GPC6: variants seen among roughly 807,000 people sequenced by gnomAD.
GPC6 encodes glypican-6.
Under a neutral mutation model 55.2 loss-of-function variants are expected in GPC6, and 14 were observed. The observed-to-expected ratio is 0.25, with a 90% confidence interval of 0.17 to 0.40. The LOEUF (loss-of-function observed/expected upper bound fraction) is 0.40, where lower values mean the gene tolerates loss of function less well. GPC6 is among the 10% of genes least tolerant of loss of function. GPC6 has a pLI of 1.00. For synonymous variants in GPC6, 278 were observed against 259.6 expected, an observed-to-expected ratio of 1.07 and a Z score of -0.68; for missense variants, 641 against 708.5, an observed-to-expected ratio of 0.90 and a Z score of 1.08.
At chr13:93,913,607 G>T (rs1483075376) in intron 3 of GPC6, among the ~76,000 whole-genome samples, 3 of 152,044 alleles carry the variant, frequency 2.0e-5, no homozygotes, top group Non-Finnish European at 4.4e-5. Context: ...GTTACTGAAG[G>T]TTTCCAGTAT....
intron 1 of GPC6, among the ~76,000 whole-genome samples, chr13:93,426,725 T>A (rs1391188982): frequency 1.1e-4 from 16 of 151,682 alleles, no homozygotes; most frequent in African/African-American, 3.7e-4. Flanking sequence ...TATAGCAGCA[T>A]GATTTATAGT....
At chr13:93,920,779 G>C (rs540875770) in intron 3 of GPC6, among the ~76,000 whole-genome samples, 1 of 152,080 alleles carries the variant, frequency 6.6e-6, no homozygotes, top group Non-Finnish European at 1.5e-5. Context: ...ACTGCATTCT[G>C]TCCAGGGCTA....
At chr13:93,350,205 C>T (rs7987095) in intron 1 of GPC6, among the ~76,000 whole-genome samples, 45,339 of 151,972 alleles carry the variant, frequency 0.3, 7,711 homozygotes, top group East Asian at 0.79. Context: ...AAGGCTAAGG[C>T]GGGTGGATCA....
At chr13:93,867,818 CA>C (rs1377002840) in intron 3 of GPC6, among the ~76,000 whole-genome samples, 1 of 151,758 alleles carries the variant, frequency 6.6e-6, no homozygotes, top group East Asian at 2.0e-4. Context: ...AAGCTTAAAT[CA>C]TCAACATTTC....
intron 2 of GPC6, among the ~76,000 whole-genome samples, chr13:93,768,036 A>G (rs1420577946): frequency 1.1e-4 from 17 of 152,182 alleles, no homozygotes; most frequent in Non-Finnish European, 2.9e-5. Context: ...TCTGAAGGAT[A>G]ATGCTGACCT....
intron 2 of GPC6, among the ~76,000 whole-genome samples, chr13:93,605,385 T>A (rs1313205877): frequency 6.6e-6 from 1 of 152,182 alleles, no homozygotes; most frequent in Non-Finnish European, 1.5e-5. Flanking sequence ...GATGAATAGT[T>A]ATTGCACAAG....
chr13:93,635,089 G>A lies in GPC6; in HGVS notation c.319+89668G>A, dbSNP rs556872496. ...CTATCTTTGTATATATTTTAAAAAC[G>A]TATTGGGTTTTCTCACAAATTTGAT... On this transcript the variant is annotated intron_variant, in intron 2 of 8. Coordinates refer to ENST00000377047, the MANE Select transcript of GPC6 (RefSeq NM_005708.5). Among the ~76,000 whole-genome samples the A allele has an allele frequency of 2.1e-4, 31 of 151,192 alleles. 1 individual carries two copies. Among genetic ancestry groups the A allele is most frequent in the African/African-American group, 6.8e-4 (28 of 41,208 alleles).
At chr13:93,834,541 A>G (rs951838019) in intron 3 of GPC6, among the ~76,000 whole-genome samples, 7 of 152,296 alleles carry the variant, frequency 4.6e-5, no homozygotes, top group Middle Eastern at 3.4e-3. Flanking sequence ...AAAGTTATCA[A>G]TAACATACTA....
In GPC6 at chr13:94,081,844, C is replaced by CTTTTTTTTTTT. The variant is rs201141414; in HGVS notation, c.877+53954_877+53964dup. 1.6e-4 allele frequency among the ~76,000 whole-genome samples: 21 copies of CTTTTTTTTTTT among 132,990 alleles called. 1 individual carries two copies. The highest frequency in any genetic ancestry group is 3.4e-4 in the African/African-American group (12 of 35,486). The allele number at this position is 132,990 out of a possible 152,430, so 87.2% of individuals were successfully genotyped here. A position where few individuals can be genotyped will look rare whatever the true frequency, so the allele number is the denominator to read the frequency against. ...CATGTCTATGCCTTCTACTACTTTC[C>CTTTTTTTTTTT]TTTTTTTTTTTTTTGAGACACAGTC... On this transcript the variant is annotated intron_variant, in intron 4 of 8. Coordinates refer to ENST00000377047, the MANE Select transcript of GPC6 (RefSeq NM_005708.5).
chr13:93,663,907 A>G (rs922353579), intron 2 of GPC6, among the ~76,000 whole-genome samples: 3 of 152,206 alleles, frequency 2.0e-5, no homozygotes, highest in Non-Finnish European at 4.4e-5. Context: ...ACCAAATTTT[A>G]TTATTCTAAA....
chr13:93,517,737 T>C (rs761785600), intron 1 of GPC6, among the ~76,000 whole-genome samples: 1 of 152,058 alleles, frequency 6.6e-6, no homozygotes, highest in African/African-American at 2.4e-5. Context: ...TCTTGGCATG[T>C]ACTACAGCAA....
intron 3 of GPC6, among the ~76,000 whole-genome samples, chr13:93,862,472 A>T (rs886854530): frequency 4.6e-5 from 7 of 151,604 alleles, no homozygotes; most frequent in Non-Finnish European, 7.4e-5. Context: ...CAGCAAGTTG[A>T]GTCACAAAGT....
rs77131222 is a variant in GPC6 at position 93,402,317 on chromosome 13, G to A, written c.161-142946G>A. 7.1e-4 allele frequency among the ~76,000 whole-genome samples: 108 copies of A among 152,232 alleles called. 2 individuals carry two copies. In the East Asian group the frequency reaches 0.016, roughly 22 times the overall value. On this transcript the variant is annotated intron_variant, in intron 1 of 8. Transcript: ENST00000377047. ...CCGAGCCAACTTCATAAGCGCTAGGGCAATGCAGGAGAGAGAGCACTCAAA... is the reference window on the plus strand; with the variant it reads ...CCGAGCCAACTTCATAAGCGCTAGGACAATGCAGGAGAGAGAGCACTCAAA...
At chr13:94,120,921 A>G (rs1288640203) in intron 4 of GPC6, among the ~76,000 whole-genome samples, 1 of 152,136 alleles carries the variant, frequency 6.6e-6, no homozygotes, top group East Asian at 1.9e-4. Flanking sequence ...TTATATTCCC[A>G]CTAGTTCAGT....
intron 4 of GPC6, among the ~76,000 whole-genome samples, chr13:94,076,763 C>CT (rs934746957): frequency 9.9e-5 from 15 of 151,760 alleles, no homozygotes; most frequent in African/African-American, 3.6e-4. Context: ...TTTTTGGTAC[C>CT]TTTTTTTGAA....
intron 3 of GPC6, among the ~76,000 whole-genome samples, chr13:93,841,643 T>C (rs1887959685): frequency 6.6e-6 from 1 of 152,170 alleles, no homozygotes; most frequent in Admixed American, 6.6e-5. Context: ...AGTAAAACTA[T>C]AGCCGAAATC....
intron 4 of GPC6, among the ~76,000 whole-genome samples, chr13:94,218,310 T>C (rs1468235608): frequency 6.6e-6 from 1 of 152,166 alleles, no homozygotes; most frequent in African/African-American, 2.4e-5. Context: ...CTTTACTTCA[T>C]ACAAACCAAA....
intron 1 of GPC6, among the ~76,000 whole-genome samples, chr13:93,320,172 C>T (rs763956106): frequency 1.2e-4 from 18 of 152,046 alleles, no homozygotes; most frequent in Non-Finnish European, 2.5e-4. Context: ...GACTATTTGG[C>T]TTATCAGAGA....
chr13:93,931,746 A>G (rs1424566549), intron 3 of GPC6, among the ~76,000 whole-genome samples: 1 of 144,698 alleles, frequency 6.9e-6, no homozygotes, highest in Non-Finnish European at 1.5e-5. Flanking sequence ...CCTGGGAGAC[A>G]GAGCAAGACT....
Sources: gnomAD v4.1 joint callset for allele counts (sites outside exome capture counted in the v4.1 genomes callset) on GRCh38, gnomAD v4.1.1 for gene constraint, MANE v1.5 for transcripts, NCBI Gene and HGNC (gene_info 2026-07-23, HGNC 2026-07-21) for gene names.